Variants in DENND3 observed in about 807,000 individuals in gnomAD.
DENND3 encodes DENN domain-containing protein 3.
DENND3 carries 88 observed loss-of-function variants against 135.1 expected under a neutral mutation model. The observed-to-expected ratio is 0.65, with a 90% CI of 0.55 to 0.78. The LOEUF (loss-of-function observed/expected upper bound fraction) is 0.78. Among genes scored for constraint, DENND3 ranks in the 30% least tolerant of loss-of-function variants. The pLI is 0.00. For missense variants in DENND3, 1,392 were observed against 1,688.4 expected (o/e 0.82, Z 3.08); for synonymous variants, 693 against 712.3 (o/e 0.97, Z 0.43).
chr8:141,138,232 T>A lies in DENND3; in HGVS notation c.501+95T>A. 7.7e-7 allele frequency: 1 copy of A among 1,304,608 alleles called. No homozygotes were observed. The highest frequency in any genetic ancestry group is 1.1e-6 in the Non-Finnish European group (1 of 931,644). 80.8% of individuals were successfully genotyped at this position (1,304,608 alleles called of 1,614,324 possible). A position where few individuals can be genotyped will look rare whatever the true frequency, so the allele number is the denominator to read the frequency against. On this transcript the variant is annotated intron_variant, in intron 3 of 22. Coordinates refer to ENST00000519811, the MANE Select transcript of DENND3 (RefSeq NM_001352890.3). This position sits in a 1 kb window ranked among gnomAD's most constrained non-coding sequence, Gnocchi z 4.8. The stretch of plus-strand genomic sequence containing the variant: ...ACAACATTCACCATTCTAACCATTT[T>A]AAAGTGTGCAGTTCCGTAACATTAA...
At position 141,144,521 on chromosome 8, in the gene DENND3, C is replaced by T. The variant is rs914387105; in HGVS notation, c.735+262C>T. Among the ~76,000 whole-genome samples the T allele has an allele frequency of 1.3e-5, 2 of 151,622 alleles. No individual in the cohort carries two copies. Among genetic ancestry groups the T allele is most frequent in the East Asian group, 1.9e-4 (1 of 5,184 alleles). Reference sequence around the variant, plus strand: ...GCCTGGTTATACCCTCTCCCTCTTGCGTGAGTGTATGGGGTGTTTGTGTAT... The same window carrying T: ...GCCTGGTTATACCCTCTCCCTCTTGTGTGAGTGTATGGGGTGTTTGTGTAT... On this transcript the variant is annotated intron_variant, in intron 5 of 22. Coordinates refer to ENST00000519811, the MANE Select transcript of DENND3 (RefSeq NM_001352890.3). This position sits in a 1 kb window ranked among gnomAD's most constrained non-coding sequence, Gnocchi z 4.4.
chr8:141,168,498 C>A lies in DENND3; in HGVS notation c.2248C>A (p.His750Asn). The change falls in exon 13 of 23, where the codon CAC becomes AAC. Residue 750 changes from histidine to asparagine, a missense_variant. By Grantham distance (68) the His-to-Asn change is moderately conservative. Transcript: ENST00000519811. This position sits in a 1 kb window ranked among gnomAD's most constrained non-coding sequence, Gnocchi z 6.2. Reference sequence around the variant, plus strand: ...GATCGTGAAGGACGCCAGCATCATACACCGGCTGTTCGAGGCCTTGACTGT... The same window carrying A: ...GATCGTGAAGGACGCCAGCATCATAAACCGGCTGTTCGAGGCCTTGACTGT... ...SGIVKDASII[H>N]RLFEALTVGQ... 6.2e-7 allele frequency: 1 copy of A among 1,610,934 alleles called. No homozygotes were observed. Among genetic ancestry groups the A allele is most frequent in the Non-Finnish European group, 8.5e-7 (1 of 1,177,998 alleles).
intron 8 of DENND3, among the ~76,000 whole-genome samples, chr8:141,160,260 C>A (rs1382441165): frequency 6.6e-6 from 1 of 151,680 alleles, no homozygotes; most frequent in Non-Finnish European, 1.5e-5. Context: ...CTCACTACAA[C>A]CTCCACCTCC....
chr8:141,189,558 T>G (rs1388697820), intron 19 of DENND3, among the ~76,000 whole-genome samples: 1 of 152,216 alleles, frequency 6.6e-6, no homozygotes, highest in African/African-American at 2.4e-5. Flanking sequence ...GGAGCAGCAC[T>G]GGACACGGGG....
At chr8:141,192,926 A>G (rs1824962346) in intron 22 of DENND3, 1 of 1,402,100 alleles carries the variant, frequency 7.1e-7, no homozygotes, top group Non-Finnish European at 9.4e-7. Flanking sequence ...TAATTTTCTC[A>G]CAGTTCTCGA....
At position 141,192,365 on chromosome 8, in the gene DENND3, T is replaced by C. The variant is rs1206194119; in HGVS notation, c.3414T>C (p.Asn1138=). 1.2e-6 allele frequency: 2 copies of C among 1,614,230 alleles called. No homozygotes were observed. The highest frequency in any genetic ancestry group is 2.7e-5 in the African/African-American group (2 of 75,076). ...TGNSIMVMKM[N]GSLHQELKIE... is the part of the protein sequence containing the mutation. ...ACAGCATCATGGTCATGAAAATGAATGGATCCCTCCATCAAGAATTGAAGA... is the reference window on the plus strand; with the variant it reads ...ACAGCATCATGGTCATGAAAATGAACGGATCCCTCCATCAAGAATTGAAGA... The change falls in exon 21 of 23, where the codon AAT becomes AAC. Residue 1138 remains asparagine (N), a synonymous_variant. Coordinates refer to ENST00000519811, the MANE Select transcript of DENND3 (RefSeq NM_001352890.3).
At chr8:141,193,974 C>T (rs1688531433) in intron 22 of DENND3, 59 bp from the exon 23 acceptor site, 3 of 1,569,630 alleles carry the variant, frequency 1.9e-6, no homozygotes, top group Non-Finnish European at 2.6e-6. Flanking sequence ...CGGGCAAAGC[C>T]CTGGTGCTCT....
Position 141,163,443 on chromosome 8 carries a change from G to T in DENND3, c.1449+14G>T. On this transcript the variant is annotated intron_variant, in intron 10 of 22. Transcript: ENST00000519811. ...TTTTATAAGCAGGTGAGAGCTGTGGGATTTGGGTGTGCCTGTGTGTGTTCA... is the reference window on the plus strand; with the variant it reads ...TTTTATAAGCAGGTGAGAGCTGTGGTATTTGGGTGTGCCTGTGTGTGTTCA... The T allele has an allele frequency of 6.4e-7, 1 of 1,557,632 alleles. No individual in the cohort carries two copies. Among genetic ancestry groups the T allele is most frequent in the Non-Finnish European group, 8.8e-7 (1 of 1,129,950 alleles).
intron 13 of DENND3, among the ~76,000 whole-genome samples, chr8:141,170,614 C>T (rs900204427): frequency 1.3e-5 from 2 of 152,188 alleles, no homozygotes; most frequent in African/African-American, 4.8e-5. Flanking sequence ...CTCCCTGTGC[C>T]GTGCTTCGGG....
At chr8:141,187,593 T>A (rs1824064469) in intron 18 of DENND3, among the ~76,000 whole-genome samples, 1 of 152,172 alleles carries the variant, frequency 6.6e-6, no homozygotes, top group Admixed American at 6.5e-5. Context: ...TGGCACAGTA[T>A]GTGCTTGCAA....
intron 10 of DENND3, among the ~76,000 whole-genome samples, chr8:141,164,161 C>T (rs548144475): frequency 6.6e-6 from 1 of 152,316 alleles, no homozygotes; most frequent in East Asian, 1.9e-4. Context: ...CTGTCTGCCT[C>T]TCTCCCTCAG....
chr8:141,184,971 C>A, intron 17 of DENND3, 168 bp from the exon 18 acceptor site: 1 of 807,944 alleles, frequency 1.2e-6, no homozygotes, highest in Middle Eastern at 3.9e-4. Context: ...ACTCTGAGCT[C>A]CCAGAGGGCA....
chr8:141,134,583 T>C (rs1274977661), intron 1 of DENND3, among the ~76,000 whole-genome samples: 1 of 152,152 alleles, frequency 6.6e-6, no homozygotes, highest in Non-Finnish European at 1.5e-5. Flanking sequence ...GGATTTCCCA[T>C]GTTTTGTCCT....
chr8:141,188,217 T>C (rs58092133), intron 18 of DENND3: 31,472 of 152,218 alleles, frequency 0.21, 4,012 homozygotes, highest in African/African-American at 0.36. Flanking sequence ...AGAGTGAGAC[T>C]CTGTCTCAAA....
chr8:141,148,854 T>A (rs1818456651), intron 5 of DENND3, among the ~76,000 whole-genome samples: 1 of 152,166 alleles, frequency 6.6e-6, no homozygotes, highest in African/African-American at 2.4e-5. Context: ...ACAACTTGGA[T>A]AATTTAACTT....
chr8:141,191,308 C>T (rs180820661), intron 20 of DENND3: 2 of 152,364 alleles, frequency 1.3e-5, no homozygotes, highest in East Asian at 3.9e-4. Flanking sequence ...TGGCTTTATT[C>T]AGACAGCAGG....
intron 9 of DENND3, among the ~76,000 whole-genome samples, chr8:141,162,753 A>C (rs1445243019): frequency 6.6e-6 from 1 of 152,176 alleles, no homozygotes; most frequent in Non-Finnish European, 1.5e-5. Flanking sequence ...ATCTCTACTA[A>C]AAATATAAAA....
chr8:141,147,042 G>T (rs1268044546), intron 5 of DENND3, among the ~76,000 whole-genome samples: 1 of 152,172 alleles, frequency 6.6e-6, no homozygotes, highest in Admixed American at 6.5e-5. Context: ...CTCCTGGCCC[G>T]ATGACTCTCG....
At position 141,174,776 on chromosome 8, in the gene DENND3, G is replaced by C. The variant is rs1008700516; in HGVS notation, c.2276-424G>C. On this transcript the variant is annotated intron_variant, in intron 13 of 22. Transcript: ENST00000519811. The surrounding 1 kb of genome is among the most constrained non-coding windows in gnomAD (Gnocchi z 4.6). ...GCGCTAAGGATCCAACCTTCCCGGC[G>C]TTAGCTTCATCCTAGGACTAGCTCC... Among the ~76,000 whole-genome samples, 3 of 152,202 alleles carry C rather than the reference G, an allele frequency of 2.0e-5. No individual in the cohort carries two copies. Among genetic ancestry groups the C allele is most frequent in the Non-Finnish European group, 4.4e-5 (3 of 68,022 alleles).
Sources: gnomAD v4.1 joint callset for allele counts (sites outside exome capture counted in the v4.1 genomes callset) on GRCh38, gnomAD v4.1.1 for gene constraint, Gnocchi (gnomAD v3.1) non-coding constraint, MANE v1.5 for transcripts, NCBI Gene and HGNC (gene_info 2026-07-23, HGNC 2026-07-21) for gene names.